The following TMPRSS11D variants were observed in gnomAD, a reference collection of about 807,000 sequenced individuals.
The protein encoded by TMPRSS11D is transmembrane serine protease 11D.
Under a neutral mutation model 44.4 loss-of-function variants are expected in TMPRSS11D, and 32 were observed. The observed-to-expected ratio is 0.72, with a 90% CI of 0.54 to 0.97. The LOEUF (loss-of-function observed/expected upper bound fraction) is 0.97. Among genes scored for constraint, TMPRSS11D ranks in the 50% least tolerant of loss-of-function variants. TMPRSS11D has a pLI of 0.00. For missense variants in TMPRSS11D, 446 were observed against 502.6 expected (o/e 0.89, Z 1.08); for synonymous variants, 179 against 177.9 (o/e 1.01, Z -0.05).
chr4:67,883,088 T>A (rs1719360204), intron 1 of TMPRSS11D, among the ~76,000 whole-genome samples: 1 of 152,012 alleles, frequency 6.6e-6, no homozygotes, highest in Admixed American at 6.6e-5. Flanking sequence ...GACTTTTGAT[T>A]GAATTTTCCA....
intron 5 of TMPRSS11D, among the ~76,000 whole-genome samples, chr4:67,836,410 C>T (rs1044652586): frequency 6.6e-6 from 1 of 152,132 alleles, no homozygotes; most frequent in Non-Finnish European, 1.5e-5. Context: ...AGACAGGTTT[C>T]CACGCTCTCT....
Position 67,867,647 on chromosome 4 carries a change from C to T in TMPRSS11D, c.9-7969G>A, listed in dbSNP as rs28773044. On this transcript the variant is annotated intron_variant, in intron 1 of 9. Coordinates refer to ENST00000283916, the MANE Select transcript of TMPRSS11D (RefSeq NM_004262.3). The stretch of plus-strand genomic sequence containing the variant: ...AACAACAGCAAAATAACACAATAAC[C>T]CCCTTAAAGAGTGGGCTAAGGACAT... Among the ~76,000 whole-genome samples the T allele has an allele frequency of 9.1e-4, 138 of 152,022 alleles. 1 individual carries two copies. The highest frequency in any genetic ancestry group is 3.2e-3 in the African/African-American group (131 of 41,496).
chr4:67,836,840 A>G (rs566940347), intron 5 of TMPRSS11D, among the ~76,000 whole-genome samples: 1 of 152,292 alleles, frequency 6.6e-6, no homozygotes, highest in South Asian at 2.1e-4. Context: ...CATCGCGTTC[A>G]GTACAGACTG....
intron 1 of TMPRSS11D, 128 bp from the exon 2 acceptor site, chr4:67,859,806 AT>A (rs1718752772): frequency 9.5e-6 from 12 of 1,262,888 alleles, no homozygotes; most frequent in Middle Eastern, 2.0e-4. Context: ...ATAGAAACAT[AT>A]TCGTAGATAT....
chr4:67,871,751 T>A (rs17088735), intron 1 of TMPRSS11D, among the ~76,000 whole-genome samples: 7,068 of 152,234 alleles, frequency 0.046, 391 homozygotes, highest in African/African-American at 0.14. Flanking sequence ...GCCTTTTGTG[T>A]CTGCAAATGA....
intron 1 of TMPRSS11D, among the ~76,000 whole-genome samples, chr4:67,869,181 T>C (rs1718994585): frequency 6.6e-6 from 1 of 152,226 alleles, no homozygotes; most frequent in Non-Finnish European, 1.5e-5. Context: ...AGCAAAGGTC[T>C]TGGGACTGGA....
chr4:67,862,159 A>T (rs942330428), intron 1 of TMPRSS11D, among the ~76,000 whole-genome samples: 2 of 152,052 alleles, frequency 1.3e-5, no homozygotes, highest in African/African-American at 2.4e-5. Context: ...GAGGGTGGAA[A>T]ATTTATCTTT....
intron 3 of TMPRSS11D, among the ~76,000 whole-genome samples, chr4:67,848,852 G>A (rs1209792842): frequency 6.6e-6 from 1 of 152,166 alleles, no homozygotes; most frequent in Non-Finnish European, 1.5e-5. Flanking sequence ...GAAGCATTTG[G>A]TTTTATCATA....
At chr4:67,873,972 TAAC>T (rs1037639415) in intron 1 of TMPRSS11D, among the ~76,000 whole-genome samples, 6 of 152,164 alleles carry the variant, frequency 3.9e-5, no homozygotes, top group Non-Finnish European at 8.8e-5. Context: ...ATGAAACATA[TAAC>T]AACATCTTTG....
chr4:67,826,462 C>A (rs559472233), intron 8 of TMPRSS11D, among the ~76,000 whole-genome samples: 1 of 152,164 alleles, frequency 6.6e-6, no homozygotes, highest in East Asian at 1.9e-4. Flanking sequence ...TCAATGCTAC[C>A]CTTCCACTCC....
intron 3 of TMPRSS11D, among the ~76,000 whole-genome samples, chr4:67,853,117 C>G (rs1290288691): frequency 2.6e-5 from 4 of 152,124 alleles, no homozygotes; most frequent in Non-Finnish European, 1.5e-5. Context: ...TGAGAAGGTG[C>G]TTAGCTAACA....
chr4:67,874,068 G>A (rs796723457), intron 1 of TMPRSS11D, among the ~76,000 whole-genome samples: 9 of 152,188 alleles, frequency 5.9e-5, no homozygotes, highest in African/African-American at 1.9e-4. Context: ...TCAGATATGT[G>A]TAGATACACA....
intron 2 of TMPRSS11D, among the ~76,000 whole-genome samples, chr4:67,857,011 G>A (rs1418578659): frequency 6.6e-6 from 1 of 151,976 alleles, no homozygotes; most frequent in East Asian, 1.9e-4. Flanking sequence ...GCAGAGAGAA[G>A]AGAATTCTTA....
intron 1 of TMPRSS11D, among the ~76,000 whole-genome samples, chr4:67,880,867 A>T (rs1329773689): frequency 6.6e-6 from 1 of 152,216 alleles, no homozygotes; most frequent in Middle Eastern, 3.4e-3. Flanking sequence ...GCTTGTTCAA[A>T]CCTCTGGCAA....
At chr4:67,878,018 A>G (rs896251279) in intron 1 of TMPRSS11D, among the ~76,000 whole-genome samples, 3 of 152,200 alleles carry the variant, frequency 2.0e-5, no homozygotes, top group Admixed American at 1.3e-4. Flanking sequence ...TAAAAAATGA[A>G]AACGGGGTAA....
At chr4:67,882,137 G>A (rs1039895598) in intron 1 of TMPRSS11D, among the ~76,000 whole-genome samples, 8 of 152,142 alleles carry the variant, frequency 5.3e-5, no homozygotes, top group African/African-American at 1.7e-4. Context: ...TCTTGCAGCA[G>A]CATGGAAGAG....
At chr4:67,842,136 G>A (rs1018104215) in intron 4 of TMPRSS11D, among the ~76,000 whole-genome samples, 2 of 152,130 alleles carry the variant, frequency 1.3e-5, no homozygotes, top group Non-Finnish European at 2.9e-5. Context: ...AGCACATCAG[G>A]CAGATAAAAC....
At chr4:67,873,563 A>G (rs1476016936) in intron 1 of TMPRSS11D, among the ~76,000 whole-genome samples, 1 of 152,176 alleles carries the variant, frequency 6.6e-6, no homozygotes, top group East Asian at 1.9e-4. Flanking sequence ...GAGCCTAAAG[A>G]AAGAAAGATG....
At position 67,822,395 on chromosome 4, in the gene TMPRSS11D, C is replaced by G; in HGVS notation, c.1199G>C (p.Gly400Ala). 6.2e-6 allele frequency: 10 copies of G among 1,613,916 alleles called. No homozygotes were observed. The highest frequency in any genetic ancestry group is 8.5e-6 in the Non-Finnish European group (10 of 1,179,890). Residue 400 changes from glycine to alanine, a missense_variant, in exon 10 of 10, where the codon GGA becomes GCA. Coordinates refer to ENST00000283916, the MANE Select transcript of TMPRSS11D (RefSeq NM_004262.3). Reference protein sequence around the residue: ...GDQCGLPDKPGVYTRVTAYLD... With the variant: ...GDQCGLPDKPAVYTRVTAYLD... ...GTAGGCTGTCACTCGAGTATACACT[C>G]CTGGCTTATCCGGCAGGCCACACTG...
Sources: allele counts gnomAD v4.1 joint callset (sites outside exome capture counted in the v4.1 genomes callset), GRCh38; gene constraint gnomAD v4.1.1; transcripts MANE v1.5; gene names NCBI Gene and HGNC (gene_info 2026-07-23, HGNC 2026-07-21).